COL5A2: variants seen among roughly 807,000 people sequenced by gnomAD.
The protein encoded by COL5A2 is collagen type V alpha 2 chain.
COL5A2 carries 23 observed loss-of-function variants against 208.2 expected under a neutral mutation model. That is an observed-to-expected ratio of 0.11 (90% CI 0.08 to 0.16). The LOEUF (loss-of-function observed/expected upper bound fraction) is 0.16. COL5A2 is among the 10% of genes least tolerant of loss of function. COL5A2 has a pLI of 1.00. For missense variants in COL5A2, 1,590 were observed against 1,956.4 expected (o/e 0.81, Z 3.53); for synonymous variants, 625 against 628.5 (o/e 0.99, Z 0.08).
chr2:189,438,110 A>T, the COL5A2 span, among the ~76,000 whole-genome samples: 1 of 151,946 alleles, frequency 6.6e-6, no homozygotes, highest in Non-Finnish European at 1.5e-5. Context: ...ATATAAAATG[A>T]TGCTCAGCAT....
chr2:189,219,280 T>C (rs541524944), intron 1 of COL5A2, among the ~76,000 whole-genome samples: 2 of 152,348 alleles, frequency 1.3e-5, no homozygotes, highest in African/African-American at 4.8e-5. Context: ...GGAAGTGTTC[T>C]AGTAGGAGCC....
At chr2:189,169,335 G>A (rs1178014389) in intron 1 of COL5A2, among the ~76,000 whole-genome samples, 3 of 152,150 alleles carry the variant, frequency 2.0e-5, no homozygotes, top group East Asian at 1.9e-4. Context: ...ATGTATGTGG[G>A]GCTGCGAAAC....
At chr2:189,068,748 G>T in intron 19 of COL5A2, 38 bp downstream of exon 19, 3 of 1,406,014 alleles carry the variant, frequency 2.1e-6, no homozygotes, top group Non-Finnish European at 3.0e-6. Flanking sequence ...GAAATGTCCA[G>T]CTTTCTGGGC....
chr2:189,334,347 A>T, the COL5A2 span, among the ~76,000 whole-genome samples: 1 of 151,996 alleles, frequency 6.6e-6, no homozygotes, highest in Non-Finnish European at 1.5e-5. Context: ...ATATGAATAA[A>T]ACTCTAGGGA....
intron 1 of COL5A2, among the ~76,000 whole-genome samples, chr2:189,145,282 G>A (rs969587718): frequency 9.2e-5 from 14 of 152,028 alleles, no homozygotes; most frequent in East Asian, 3.9e-4. Context: ...AATTGCACAC[G>A]TCAGGAATTA....
chr2:189,083,686 A>C (rs933617693), intron 12 of COL5A2, among the ~76,000 whole-genome samples: 3 of 151,282 alleles, frequency 2.0e-5, no homozygotes, highest in East Asian at 3.9e-4. Context: ...AAAAAAAAAA[A>C]CTATTTTTTT....
intron 1 of COL5A2, among the ~76,000 whole-genome samples, chr2:189,207,448 AT>A (rs1411582287): frequency 2.6e-5 from 4 of 152,308 alleles, no homozygotes; most frequent in Non-Finnish European, 5.9e-5. Flanking sequence ...ATTTCAATTA[AT>A]TCCCTTTAAT....
intron 18 of COL5A2, 45 bp downstream of exon 18, chr2:189,071,995 T>G (rs1362264384): frequency 1.6e-6 from 2 of 1,260,436 alleles, no homozygotes; most frequent in Non-Finnish European, 2.3e-6. Context: ...GGGACTCATG[T>G]AATCATGTAG....
intron 18 of COL5A2, 55 bp downstream of exon 18, chr2:189,071,985 G>T: frequency 1.7e-6 from 2 of 1,147,680 alleles, no homozygotes; most frequent in South Asian, 1.3e-5. Flanking sequence ...TCTTCACTTT[G>T]GGACTCATGT....
the COL5A2 span, among the ~76,000 whole-genome samples, chr2:189,276,992 T>C: frequency 0.031 from 4,705 of 152,256 alleles, 100 homozygotes; most frequent in South Asian, 0.05. Context: ...TAAATTGATA[T>C]TTGGAGTAAA....
intron 1 of COL5A2, among the ~76,000 whole-genome samples, chr2:189,164,929 A>G (rs1259606615): frequency 6.6e-6 from 1 of 152,228 alleles, no homozygotes; most frequent in Non-Finnish European, 1.5e-5. Context: ...GCAAGCTCAA[A>G]CAGCTGCTTT....
chr2:189,240,791 T>G, the COL5A2 span, among the ~76,000 whole-genome samples: 1 of 152,208 alleles, frequency 6.6e-6, no homozygotes. Context: ...TTCAGAGGAA[T>G]AAATCTTACT....
chr2:189,319,306 C>T, the COL5A2 span, among the ~76,000 whole-genome samples: 6 of 152,228 alleles, frequency 3.9e-5, no homozygotes, highest in African/African-American at 1.4e-4. Context: ...TGGGGCTTGT[C>T]AGACAGTAGG....
chr2:189,272,905 C>A, the COL5A2 span, among the ~76,000 whole-genome samples: 1 of 152,110 alleles, frequency 6.6e-6, no homozygotes, highest in Admixed American at 6.6e-5. Context: ...AGCATGACCA[C>A]CAATTTTGTG....
the COL5A2 span, among the ~76,000 whole-genome samples, chr2:189,247,825 G>A: frequency 1.3e-5 from 2 of 151,930 alleles, no homozygotes; most frequent in South Asian, 2.1e-4. Context: ...AGTGATCCAC[G>A]CATCTCAGCA....
intron 45 of COL5A2, among the ~76,000 whole-genome samples, chr2:189,047,636 A>G (rs1685697698): frequency 6.6e-6 from 1 of 152,196 alleles, no homozygotes; most frequent in Non-Finnish European, 1.5e-5. Flanking sequence ...ATGAGCTTTA[A>G]TTACATCATA....
intron 6 of COL5A2, among the ~76,000 whole-genome samples, chr2:189,096,672 C>T (rs1391855062): frequency 6.8e-6 from 1 of 147,218 alleles, no homozygotes; most frequent in Non-Finnish European, 1.5e-5. Context: ...CACTTGAGAA[C>T]AATATGTATT....
At chr2:189,395,434 A>T in the COL5A2 span, among the ~76,000 whole-genome samples, 1 of 152,202 alleles carries the variant, frequency 6.6e-6, no homozygotes, top group African/African-American at 2.4e-5. Context: ...AACAAAAAAT[A>T]CAAGCTTCAA....
chr2:189,144,482 T>C (rs1432183586), intron 1 of COL5A2, among the ~76,000 whole-genome samples: 1 of 148,374 alleles, frequency 6.7e-6, no homozygotes, highest in African/African-American at 2.5e-5. Flanking sequence ...AGTATCCTTG[T>C]TGTACCCATA....
Sources: gnomAD v4.1 joint callset for allele counts (sites outside exome capture counted in the v4.1 genomes callset) on GRCh38, gnomAD v4.1.1 for gene constraint, MANE v1.5 for transcripts, NCBI Gene and HGNC (gene_info 2026-07-23, HGNC 2026-07-21) for gene names.